The following NCAPD2 variants were observed in gnomAD, a reference collection of about 807,000 sequenced individuals.
NCAPD2 encodes condensin complex subunit 1.
NCAPD2 carries 100 observed loss-of-function variants against 164.5 expected under a neutral mutation model. That is an observed-to-expected ratio of 0.61 (90% CI 0.52 to 0.72). The LOEUF is 0.72. Ranked by LOEUF, NCAPD2 falls within the 30% of genes least tolerant of loss-of-function variation. The pLI, the probability that NCAPD2 is intolerant of heterozygous loss-of-function variation, is 0.00. For synonymous variants in NCAPD2, 585 were observed against 642.6 expected (o/e 0.91, Z 1.36); for missense variants, 1,560 against 1,749.2 (o/e 0.89, Z 1.93).
chr12:6,495,141 G>A lies in NCAPD2; in HGVS notation c.43G>A (p.Glu15Lys), dbSNP rs148279081. The A allele has an allele frequency of 6.8e-6, 11 of 1,614,044 alleles. No individual in the cohort carries two copies. The highest frequency in any genetic ancestry group is 9.3e-6 in the Non-Finnish European group (11 of 1,180,032). The change falls in exon 2 of 32, where the codon GAG becomes AAG. Residue 15 changes from glutamate to lysine, a missense_variant. Transcript: ENST00000315579. ...MYEFHLPLSP[E>K]ELLKSGGVNQ... ...TGAGTTCCATCTGCCATTATCCCCA[G>A]AGGAGTTGTTGAAAAGTGGAGGGGT...
At chr12:6,529,710 TGG>T (rs777253209) in intron 28 of NCAPD2, 63 bp from the exon 29 acceptor site, 15 of 1,600,798 alleles carry the variant, frequency 9.4e-6, no homozygotes, top group Non-Finnish European at 1.3e-5. Context: ...GGGAGGCTGA[TGG>T]GGAAGGTTGA....
chr12:6,525,526 A>G, intron 17 of NCAPD2, 57 bp from the exon 18 acceptor site: 1 of 1,563,472 alleles, frequency 6.4e-7, no homozygotes, highest in South Asian at 1.1e-5. Flanking sequence ...AGAAAAGCAG[A>G]CCAAAGATCA....
In NCAPD2 at chr12:6,526,220, A is replaced by G. The variant is rs1946316553; in HGVS notation, c.2481+20A>G. On this transcript the variant is annotated intron_variant, in intron 19 of 31. Coordinates refer to ENST00000315579, the MANE Select transcript of NCAPD2 (RefSeq NM_014865.4). ...AGAAAGGTATGTGGGGGTGGTTCCA[A>G]ACTAAGGAGAGTGGAGATTCTCGTG... is the stretch of plus-strand genomic sequence containing the variant. 1.9e-6 allele frequency: 3 copies of G among 1,614,128 alleles called. No homozygotes were observed. The East Asian group carries it at 6.7e-5, about 36-fold the overall frequency.
chr12:6,508,327 C>A (rs963333600), intron 2 of NCAPD2, among the ~76,000 whole-genome samples: 2 of 151,924 alleles, frequency 1.3e-5, no homozygotes, highest in African/African-American at 2.4e-5. Flanking sequence ...CAAAGCAAGA[C>A]CCTATCTTGA....
chr12:6,521,048 A>T lies in NCAPD2; in HGVS notation c.1652A>T (p.His551Leu), dbSNP rs753621723. 1 of 1,614,222 alleles carries T rather than the reference A, an allele frequency of 6.2e-7. No individual in the cohort carries two copies. Among genetic ancestry groups the T allele is most frequent in the South Asian group, 1.1e-5 (1 of 91,084 alleles). ...TTCCAGGAGTCCGAACCCTTCAGTC[A>T]TATAGACCCAGAGGAGTCAGAGGAG... ...GHFQESEPFSHIDPEESEETR... is the reference protein window; with the variant it reads ...GHFQESEPFSLIDPEESEETR... The change falls in exon 14 of 32, where the codon CAT (histidine) becomes CTT (leucine). Residue 551 changes from histidine (H) to leucine (L), a missense_variant. Transcript: ENST00000315579.
chr12:6,517,298 A>G, intron 10 of NCAPD2, 67 bp from the exon 11 acceptor site: 1 of 1,581,288 alleles, frequency 6.3e-7, no homozygotes, highest in Non-Finnish European at 8.6e-7. Flanking sequence ...AGTATACTTA[A>G]AGATCATCTT....
rs566182753 is a variant in NCAPD2, at chr12:6,522,197, G to T, written c.1954+160G>T. 5.3e-5 allele frequency among the ~76,000 whole-genome samples: 8 copies of T among 152,236 alleles called. No homozygotes were observed. The East Asian group carries it at 1.5e-3, about 29-fold the overall frequency. On this transcript the variant is annotated intron_variant, in intron 15 of 31. Coordinates refer to ENST00000315579, the MANE Select transcript of NCAPD2 (RefSeq NM_014865.4). ...AATTCTTCTGCGTCAGCCTCCCAAA[G>T]TGCTGGTATTACAGGTGTGAGCCAC...
chr12:6,494,678 C>T (rs1945959091), intron 1 of NCAPD2, among the ~76,000 whole-genome samples: 1 of 152,218 alleles, frequency 6.6e-6, no homozygotes, highest in African/African-American at 2.4e-5. Flanking sequence ...GTACTTTGCA[C>T]ATTAATATGC....
rs538210572 is a variant in NCAPD2 at position 6,528,416 on chromosome 12, C to T, written c.3299+88C>T. ...TGTGAGAATCACCAGGGCTCTTCCC[C>T]TAGGCTTTGGCATCACCGCGAACAT... On this transcript the variant is annotated intron_variant, in intron 25 of 31. Coordinates refer to ENST00000315579, the MANE Select transcript of NCAPD2 (RefSeq NM_014865.4). This position sits in a 1 kb window ranked among gnomAD's most constrained non-coding sequence, Gnocchi z 5.1. 4.4e-5 allele frequency: 68 copies of T among 1,558,332 alleles called. No homozygotes were observed. The Middle Eastern group carries it at 6.9e-4, about 16-fold the overall frequency.
chr12:6,522,993 A>C lies in NCAPD2; in HGVS notation c.2120A>C (p.Asp707Ala), dbSNP rs766643810. The C allele has an allele frequency of 1.9e-6, 3 of 1,613,788 alleles. No homozygotes were observed. The African/African-American group carries it at 4.0e-5, about 22-fold the overall frequency. The change falls in exon 16 of 32, where the codon GAC becomes GCC. Residue 707 changes from aspartate to alanine, a missense_variant. By Grantham distance (126) the Asp-to-Ala change is moderately radical (BLOSUM62 -2). Transcript: ENST00000315579. ...CAACTCTACCTCAACCCCAAAGGGGACTCTGCCAGGTATATGGGGTGCTTT... is the reference window on the plus strand; with the variant it reads ...CAACTCTACCTCAACCCCAAAGGGGCCTCTGCCAGGTATATGGGGTGCTTT... ...YRQLYLNPKG[D>A]SARAKAQALI...
Position 6,531,481 on chromosome 12 carries a change from C to A in NCAPD2, c.*69C>A. On this transcript the variant is annotated 3_prime_UTR_variant, in exon 32 of 32. Transcript: ENST00000315579. This position sits in a 1 kb window ranked among gnomAD's most constrained non-coding sequence, Gnocchi z 4.1. The stretch of plus-strand genomic sequence containing the variant: ...GACCTGGAATTCGAATTCTGTTTCC[C>A]TTGTAAAATATTTGTCTGTCTCTTT... 1 of 1,582,184 alleles carries A rather than the reference C, an allele frequency of 6.3e-7. No homozygotes were observed. The highest frequency in any genetic ancestry group is 1.1e-5 in the South Asian group (1 of 87,236).
At chr12:6,502,212 CAAAA>C (rs778323846) in intron 2 of NCAPD2, among the ~76,000 whole-genome samples, 2 of 143,268 alleles carry the variant, frequency 1.4e-5, no homozygotes, top group Non-Finnish European at 3.1e-5. Context: ...TCCACAGTAG[CAAAA>C]AAAAAAGGCA....
chr12:6,512,131 G>A (rs1414148245), intron 6 of NCAPD2, among the ~76,000 whole-genome samples: 2 of 152,000 alleles, frequency 1.3e-5, no homozygotes, highest in East Asian at 1.9e-4. Context: ...AATTAGCCGG[G>A]CATGGTGGCG....
At chr12:6,502,728 C>T (rs1241556267) in intron 2 of NCAPD2, among the ~76,000 whole-genome samples, 7 of 152,108 alleles carry the variant, frequency 4.6e-5, no homozygotes, top group South Asian at 2.1e-4. Flanking sequence ...GCAGGAGGAT[C>T]GCTTGAACCC....
intron 2 of NCAPD2, among the ~76,000 whole-genome samples, chr12:6,497,361 G>C (rs867418544): frequency 1.3e-5 from 2 of 150,014 alleles, no homozygotes; most frequent in South Asian, 4.2e-4. Flanking sequence ...ATAGGTAAAC[G>C]TGCTGTGTTG....
chr12:6,504,871 C>T (rs1051794312), intron 2 of NCAPD2, among the ~76,000 whole-genome samples: 2 of 152,032 alleles, frequency 1.3e-5, no homozygotes. Context: ...AGCTGCAGAC[C>T]TCCGTCCATG....
At chr12:6,497,996 C>G (rs1461699760) in intron 2 of NCAPD2, among the ~76,000 whole-genome samples, 1 of 151,342 alleles carries the variant, frequency 6.6e-6, no homozygotes, top group Non-Finnish European at 1.5e-5. Context: ...TGCAGTGGCT[C>G]CATCCGAGCT....
At chr12:6,511,300 G>T (rs1479831042) in intron 6 of NCAPD2, 48 bp downstream of exon 6, 1 of 1,586,982 alleles carries the variant, frequency 6.3e-7, no homozygotes, top group Non-Finnish European at 8.6e-7. Context: ...TGAGAGTGAG[G>T]CTCTGTTGAT....
At chr12:6,515,499 T>G (rs1946190569) in intron 9 of NCAPD2, among the ~76,000 whole-genome samples, 1 of 152,152 alleles carries the variant, frequency 6.6e-6, no homozygotes, top group African/African-American at 2.4e-5. Context: ...TGATTCTGAG[T>G]CCCATCTGTT....
Sources: gnomAD v4.1 joint callset for allele counts (sites outside exome capture counted in the v4.1 genomes callset) on GRCh38, gnomAD v4.1.1 for gene constraint, Gnocchi (gnomAD v3.1) non-coding constraint, MANE v1.5 for transcripts, NCBI Gene and HGNC (gene_info 2026-07-23, HGNC 2026-07-21) for gene names.